Variants in KREMEN1 observed in about 807,000 individuals in gnomAD.
KREMEN1 encodes kringle containing transmembrane protein 1.
Under a neutral mutation model 46.5 loss-of-function variants are expected in KREMEN1, and 30 were observed. The ratio of observed to expected loss-of-function variants is 0.65; its 90% CI spans 0.48 to 0.88. KREMEN1 has a LOEUF of 0.88. KREMEN1 is among the 40% of genes least tolerant of loss of function. KREMEN1 has a pLI of 0.00. For synonymous variants in KREMEN1, 214 were observed against 230.6 expected, an observed-to-expected ratio of 0.93 and a Z score of 0.65; for missense variants, 533 against 596.9, an observed-to-expected ratio of 0.89 and a Z score of 1.11.
chr22:29,125,138 C>A, intron 4 of KREMEN1, 125 bp from the exon 5 acceptor site: 1 of 1,009,292 alleles, frequency 9.9e-7, no homozygotes, highest in Non-Finnish European at 1.5e-6. Flanking sequence ...AGGGGGAGGT[C>A]CCAGGGGAAG....
At position 29,073,929 on chromosome 22, in the gene KREMEN1, A is replaced by G. The variant is rs576052074; in HGVS notation, c.97+702A>G. On this transcript the variant is annotated intron_variant, in intron 1 of 8. Transcript: ENST00000400335. The surrounding 1 kb of genome is among the most constrained non-coding windows in gnomAD (Gnocchi z 4.4). The stretch of plus-strand genomic sequence containing the variant: ...AAGAGGCTATACGCCCCTCTCCGAG[A>G]CCTCCAGCGACATCCCTCCCCTGGG... Among the ~76,000 whole-genome samples the G allele has an allele frequency of 9.2e-5, 14 of 151,552 alleles. No homozygotes were observed. In the Middle Eastern group the frequency reaches 0.014, roughly 147 times the overall value.
At chr22:29,094,007 G>T (rs1244602982) in intron 1 of KREMEN1, among the ~76,000 whole-genome samples, 1 of 152,166 alleles carries the variant, frequency 6.6e-6, no homozygotes, top group Non-Finnish European at 1.5e-5. Flanking sequence ...TCCTAGTTGG[G>T]ATCTGTATAC....
Position 29,103,459 on chromosome 22 carries a change from G to A in KREMEN1, c.352+4506G>A, listed in dbSNP as rs181853241. On this transcript the variant is annotated intron_variant, in intron 3 of 8. Coordinates refer to ENST00000400335, the MANE Select transcript of KREMEN1 (RefSeq NM_001039570.3). Reference sequence around the variant, plus strand: ...ATCTGAACTGCTCTTGACCTGCAGAGCATGGATCAGAACTTACTGTTAAAA... The same window carrying A: ...ATCTGAACTGCTCTTGACCTGCAGAACATGGATCAGAACTTACTGTTAAAA... Among the ~76,000 whole-genome samples, 33 of 152,304 alleles carry A rather than the reference G, an allele frequency of 2.2e-4. 1 individual carries two copies. In the East Asian group the frequency reaches 4.0e-3, roughly 19 times the overall value.
At chr22:29,166,863 T>C (rs753083459) in intron 9 of KREMEN1, among the ~76,000 whole-genome samples, 5 of 151,882 alleles carry the variant, frequency 3.3e-5, no homozygotes, top group Non-Finnish European at 7.4e-5. Context: ...AGTCCAAGAG[T>C]TTGAGGCTGC....
chr22:29,137,191 C>T (rs905929764), intron 5 of KREMEN1, 151 bp from the exon 6 acceptor site: 81 of 494,846 alleles, frequency 1.6e-4, no homozygotes, highest in Non-Finnish European at 2.5e-4. Flanking sequence ...AGAGTCTCAG[C>T]GATTCGTTTT....
intron 2 of KREMEN1, among the ~76,000 whole-genome samples, chr22:29,098,278 A>G (rs937102048): frequency 1.3e-5 from 2 of 152,074 alleles, no homozygotes; most frequent in African/African-American, 2.4e-5. Context: ...TGGATATACA[A>G]TTTATTTAAC....
At chr22:29,080,003 C>T (rs1053835844) in intron 1 of KREMEN1, among the ~76,000 whole-genome samples, 20 of 152,170 alleles carry the variant, frequency 1.3e-4, no homozygotes, top group Admixed American at 7.2e-4. Flanking sequence ...GATGTTCTTC[C>T]GAAGACCCTT....
At chr22:29,153,039 C>T (rs1041494557) in intron 9 of KREMEN1, among the ~76,000 whole-genome samples, 1 of 152,208 alleles carries the variant, frequency 6.6e-6, no homozygotes, top group African/African-American at 2.4e-5. Context: ...GTTCCCGGAA[C>T]TGAGGGTTCC....
Position 29,138,621 on chromosome 22 carries a change from C to T in KREMEN1, c.965-3C>T, listed in dbSNP as rs201117045. On this transcript the variant is annotated splice_polypyrimidine_tract_variant and splice_region_variant and intron_variant, in intron 6 of 8. Coordinates refer to ENST00000400335, the MANE Select transcript of KREMEN1 (RefSeq NM_001039570.3). ...CCCCAGTTAATTGCTTTTTCTCTTC[C>T]AGCCGTCAAGGAAGAACTGCCACAG... 8.9e-5 allele frequency: 144 copies of T among 1,614,130 alleles called. 2 individuals carry two copies. The East Asian group carries it at 2.5e-3, about 28-fold the overall frequency.
rs988125421 is a variant in KREMEN1 at position 29,118,902 on chromosome 22, C to A, written c.353-2455C>A. Among the ~76,000 whole-genome samples the A allele has an allele frequency of 2.0e-5, 3 of 152,310 alleles. No homozygotes were observed. The South Asian group carries it at 6.2e-4, about 32-fold the overall frequency. On this transcript the variant is annotated intron_variant, in intron 3 of 8. Coordinates refer to ENST00000400335, the MANE Select transcript of KREMEN1 (RefSeq NM_001039570.3). Reference sequence around the variant, plus strand: ...TATGGCACTACCTAACTCAGTCCCACAAGACTGCCCCCCACTTCAGATGCC... The same window carrying A: ...TATGGCACTACCTAACTCAGTCCCAAAAGACTGCCCCCCACTTCAGATGCC...
chr22:29,149,639 C>T (rs2038900154), downstream of KREMEN1, among the ~76,000 whole-genome samples: 1 of 152,124 alleles, frequency 6.6e-6, no homozygotes, highest in South Asian at 2.1e-4. Flanking sequence ...AATTACGCTG[C>T]AATAGAAAAA....
At chr22:29,102,542 T>G (rs2037993755) in intron 3 of KREMEN1, among the ~76,000 whole-genome samples, 1 of 151,372 alleles carries the variant, frequency 6.6e-6, no homozygotes, top group Non-Finnish European at 1.5e-5. Context: ...AAAGAGGGGG[T>G]TTCAATCTGG....
chr22:29,130,304 T>G (rs1032600579), intron 5 of KREMEN1, among the ~76,000 whole-genome samples: 1 of 152,186 alleles, frequency 6.6e-6, no homozygotes, highest in Non-Finnish European at 1.5e-5. Flanking sequence ...AAGTGATTGG[T>G]CTAAGGATGG....
At chr22:29,137,759 C>T in intron 6 of KREMEN1, 85 bp downstream of exon 6, 1 of 1,127,756 alleles carries the variant, frequency 8.9e-7, no homozygotes, top group Non-Finnish European at 1.2e-6. Context: ...TTGGGCAGTT[C>T]TTGCGGGGCA....
intron 1 of KREMEN1, among the ~76,000 whole-genome samples, chr22:29,074,868 A>G (rs894527402): frequency 6.6e-6 from 1 of 152,236 alleles, no homozygotes; most frequent in African/African-American, 2.4e-5. Context: ...TGTTGTGAAG[A>G]TTAAATGATA....
intron 5 of KREMEN1, among the ~76,000 whole-genome samples, chr22:29,131,152 G>T (rs755816631): frequency 5.3e-5 from 8 of 152,038 alleles, no homozygotes; most frequent in Non-Finnish European, 1.5e-5. Context: ...CATTGCTCCT[G>T]CTAATTCTCA....
At chr22:29,137,040 G>A (rs1382233420) in intron 5 of KREMEN1, among the ~76,000 whole-genome samples, 5 of 152,184 alleles carry the variant, frequency 3.3e-5, no homozygotes, top group Admixed American at 6.5e-5. Context: ...AGTGAAGTGC[G>A]GCCCCTGCCA....
chr22:29,130,854 A>C (rs1032957983), intron 5 of KREMEN1, among the ~76,000 whole-genome samples: 27 of 152,212 alleles, frequency 1.8e-4, no homozygotes, highest in Non-Finnish European at 1.2e-4. Flanking sequence ...TGTCGGGCTA[A>C]TCTCTCCTTC....
intron 9 of KREMEN1, among the ~76,000 whole-genome samples, chr22:29,157,007 C>G (rs976995935): frequency 4.6e-5 from 7 of 152,318 alleles, no homozygotes; most frequent in Middle Eastern, 6.8e-3. Flanking sequence ...CCAAGGTCAT[C>G]CTGCTGGTAA....
Sources: allele counts gnomAD v4.1 joint callset (sites outside exome capture counted in the v4.1 genomes callset), GRCh38; gene constraint gnomAD v4.1.1; non-coding constraint Gnocchi (gnomAD v3.1); transcripts MANE v1.5; gene names NCBI Gene and HGNC (gene_info 2026-07-23, HGNC 2026-07-21).